The following SLIT2 variants were observed in gnomAD, a reference collection of about 807,000 sequenced individuals.
The protein encoded by SLIT2 is slit homolog 2 protein.
SLIT2 carries 41 observed loss-of-function variants against 185.7 expected under a neutral mutation model. The observed-to-expected ratio is 0.22, with a 90% CI of 0.17 to 0.29. The LOEUF (loss-of-function observed/expected upper bound fraction) is 0.29. Ranked by LOEUF, SLIT2 falls within the 10% of genes least tolerant of loss-of-function variation. The pLI is 1.00. For synonymous variants in SLIT2, 693 were observed against 680.2 expected, an observed-to-expected ratio of 1.02 and a Z score of -0.29; for missense variants, 1,571 against 1,909.0, an observed-to-expected ratio of 0.82 and a Z score of 3.30.
intron 9 of SLIT2, among the ~76,000 whole-genome samples, chr4:20,501,948 G>C (rs1457054178): frequency 1.3e-5 from 2 of 152,096 alleles, no homozygotes; most frequent in Non-Finnish European, 1.5e-5. Flanking sequence ...TTGTGTTCAT[G>C]ATAAGAAAAT....
chr4:20,546,327 T>C (rs1723250297), intron 22 of SLIT2, among the ~76,000 whole-genome samples: 1 of 152,036 alleles, frequency 6.6e-6, no homozygotes, highest in South Asian at 2.1e-4. Flanking sequence ...AAAGCACAAA[T>C]ACAACGAAGT....
chr4:20,368,878 T>A (rs1577514995), intron 4 of SLIT2, among the ~76,000 whole-genome samples: 1 of 152,172 alleles, frequency 6.6e-6, no homozygotes, highest in South Asian at 2.1e-4. Context: ...AACCCTGGGG[T>A]TGATATTTAC....
intron 4 of SLIT2, among the ~76,000 whole-genome samples, chr4:20,458,895 C>G (rs191682356): frequency 6.6e-6 from 1 of 152,300 alleles, no homozygotes; most frequent in East Asian, 1.9e-4. Flanking sequence ...TTAGTAGTTG[C>G]TCAATAAATG....
chr4:20,619,098 A>G lies in SLIT2; in HGVS notation c.*89A>G. ...GAATGCTTCATAGTGGAAATATTTG[A>G]AATATATTGTAAAATACAGAACAGA... is the stretch of plus-strand genomic sequence containing the variant. On this transcript the variant is annotated 3_prime_UTR_variant, in exon 37 of 37. Coordinates refer to ENST00000504154, the MANE Select transcript of SLIT2 (RefSeq NM_004787.4). The G allele has an allele frequency of 7.5e-7, 1 of 1,333,328 alleles. No individual in the cohort carries two copies. The allele number at this position is 1,333,328 out of a possible 1,614,324, so 82.6% of individuals were successfully genotyped here. A position where few individuals can be genotyped will look rare whatever the true frequency, so the allele number is the denominator to read the frequency against.
intron 4 of SLIT2, among the ~76,000 whole-genome samples, chr4:20,319,077 C>T (rs1718830867): frequency 6.6e-6 from 1 of 152,086 alleles, no homozygotes; most frequent in Admixed American, 6.5e-5. Context: ...GCTTGGTTCA[C>T]AGTAGGGGGT....
chr4:20,480,248 A>G (rs1429529759), intron 5 of SLIT2, among the ~76,000 whole-genome samples: 2 of 152,156 alleles, frequency 1.3e-5, no homozygotes, highest in Admixed American at 6.6e-5. Flanking sequence ...AGGAAACCTA[A>G]AAGTAGTCTT....
At chr4:20,446,654 A>G (rs1320252247) in intron 4 of SLIT2, among the ~76,000 whole-genome samples, 1 of 152,220 alleles carries the variant, frequency 6.6e-6, no homozygotes, top group African/African-American at 2.4e-5. Flanking sequence ...GCATCACTGA[A>G]AAATAAATGG....
At chr4:20,519,307 G>C in intron 11 of SLIT2, 75 bp from the exon 12 acceptor site, 1 of 761,354 alleles carries the variant, frequency 1.3e-6, no homozygotes, top group Non-Finnish European at 2.3e-6. Context: ...CTGTATGCCT[G>C]AGTAAATATG....
chr4:20,598,225 G>A, intron 32 of SLIT2, 40 bp from the exon 33 acceptor site: 4 of 1,605,964 alleles, frequency 2.5e-6, no homozygotes, highest in East Asian at 2.2e-5. Flanking sequence ...ACGTTTGGTT[G>A]CGTACACATC....
At chr4:20,538,644 T>G (rs532168116) in intron 18 of SLIT2, among the ~76,000 whole-genome samples, 2 of 152,282 alleles carry the variant, frequency 1.3e-5, no homozygotes, top group South Asian at 4.1e-4. Context: ...CATAACTATT[T>G]TCACATGGGA....
At chr4:20,554,981 G>T (rs1157607400) in intron 26 of SLIT2, among the ~76,000 whole-genome samples, 1 of 152,066 alleles carries the variant, frequency 6.6e-6, no homozygotes, top group East Asian at 1.9e-4. Context: ...TGTTGGCCAG[G>T]CTGGTCTTGA....
Position 20,389,238 on chromosome 4 carries a change from TATC to T in SLIT2, c.396-78509_396-78507del, listed in dbSNP as rs1357503414. On this transcript the variant is annotated intron_variant, in intron 4 of 36. Coordinates refer to ENST00000504154, the MANE Select transcript of SLIT2 (RefSeq NM_004787.4). ...TATTGTAATTATTATAGGGTATTAT[TATC>T]ATCAATATATTATTGTAATTATTAT... Among the ~76,000 whole-genome samples, 8 of 151,938 alleles carry T rather than the reference TATC, an allele frequency of 5.3e-5. No homozygotes were observed. The South Asian group carries it at 6.2e-4, about 12-fold the overall frequency.
At chr4:20,600,796 C>A (rs1303584756) in intron 33 of SLIT2, among the ~76,000 whole-genome samples, 1 of 151,580 alleles carries the variant, frequency 6.6e-6, no homozygotes. Context: ...GGCTTATGAC[C>A]AAAAAAATTT....
In SLIT2 at chr4:20,475,226, C is replaced by G. The variant is rs75160755; in HGVS notation, c.468-5490C>G. Among the ~76,000 whole-genome samples the G allele has an allele frequency of 4.9e-3, 739 of 151,864 alleles. 10 individuals are homozygous for G. Among genetic ancestry groups the G allele is most frequent in the African/African-American group, 0.017 (688 of 41,438 alleles). ...TGTAGTGCCTCTGCTCACAACTCTT[C>G]TTTGATAGACCCATTACCTCCATAG... On this transcript the variant is annotated intron_variant, in intron 5 of 36. Coordinates refer to ENST00000504154, the MANE Select transcript of SLIT2 (RefSeq NM_004787.4).
At chr4:20,452,429 C>T (rs2148715748) in intron 4 of SLIT2, among the ~76,000 whole-genome samples, 1 of 152,302 alleles carries the variant, frequency 6.6e-6, no homozygotes, top group South Asian at 2.1e-4. Context: ...GAAGCACCTT[C>T]CTACTAATTA....
At chr4:20,460,370 A>T (rs756516473) in intron 4 of SLIT2, among the ~76,000 whole-genome samples, 23 of 152,152 alleles carry the variant, frequency 1.5e-4, no homozygotes, top group Non-Finnish European at 2.8e-4. Context: ...ATTAACATAA[A>T]TTTGTAGATA....
chr4:20,336,681 A>C (rs1283755147), intron 4 of SLIT2, among the ~76,000 whole-genome samples: 1 of 152,128 alleles, frequency 6.6e-6, no homozygotes, highest in African/African-American at 2.4e-5. Flanking sequence ...AAAGTATAAT[A>C]AAGAAAAAAA....
At chr4:20,352,559 A>T (rs1721972531) in intron 4 of SLIT2, among the ~76,000 whole-genome samples, 1 of 152,166 alleles carries the variant, frequency 6.6e-6, no homozygotes, top group African/African-American at 2.4e-5. Context: ...TGTACCTTCA[A>T]ATTTATTAGG....
In SLIT2 at chr4:20,561,270, A is replaced by G. The variant is rs143209487; in HGVS notation, c.2726-5992A>G. Reference sequence around the variant, plus strand: ...AACATTGGCATAACCCATGATAATCAACATTTAGCATGCTGTGGTTGATCT... The same window carrying G: ...AACATTGGCATAACCCATGATAATCGACATTTAGCATGCTGTGGTTGATCT... On this transcript the variant is annotated intron_variant, in intron 26 of 36. Transcript: ENST00000504154. Among the ~76,000 whole-genome samples the G allele has an allele frequency of 2.1e-3, 316 of 151,982 alleles. 4 individuals carry two copies. The highest frequency in any genetic ancestry group is 0.018 in the Admixed American group (273 of 15,220).
Sources: allele counts gnomAD v4.1 joint callset (sites outside exome capture counted in the v4.1 genomes callset), GRCh38; gene constraint gnomAD v4.1.1; transcripts MANE v1.5; gene names NCBI Gene and HGNC (gene_info 2026-07-23, HGNC 2026-07-21).